Variants in KCNB2 observed in about 807,000 individuals in gnomAD.
The protein encoded by KCNB2 is delayed rectifier potassium channel protein.
Under a neutral mutation model 61.5 loss-of-function variants are expected in KCNB2, and 15 were observed. The observed-to-expected ratio is 0.24, with a 90% CI of 0.16 to 0.38. The LOEUF is 0.38. Among genes scored for constraint, KCNB2 ranks in the 10% least tolerant of loss-of-function variants. KCNB2 has a pLI of 1.00. For synonymous variants in KCNB2, 457 were observed against 446.0 expected (o/e 1.02, Z -0.31); for missense variants, 828 against 1,125.2 (o/e 0.74, Z 3.78).
intron 2 of KCNB2, among the ~76,000 whole-genome samples, chr8:72,724,027 G>A (rs1412044015): frequency 6.6e-6 from 1 of 152,152 alleles, no homozygotes; most frequent in Non-Finnish European, 1.5e-5. Flanking sequence ...TTGTGCCTGG[G>A]AAGTGGCACT....
At chr8:72,911,987 ATGTGG>A (rs979605100) in intron 2 of KCNB2, among the ~76,000 whole-genome samples, 37 of 152,178 alleles carry the variant, frequency 2.4e-4, no homozygotes, top group African/African-American at 8.4e-4. Context: ...CAACCTTAAA[ATGTGG>A]TTAAGAGTCT....
At chr8:72,934,735 C>T (rs1434627210) in intron 2 of KCNB2, among the ~76,000 whole-genome samples, 4 of 151,986 alleles carry the variant, frequency 2.6e-5, no homozygotes, top group Admixed American at 2.6e-4. Flanking sequence ...TGAAACCAAG[C>T]CAGACCTAAC....
intron 2 of KCNB2, among the ~76,000 whole-genome samples, chr8:72,797,076 G>A (rs748266459): frequency 3.3e-5 from 5 of 152,088 alleles, no homozygotes; most frequent in South Asian, 4.1e-4. Flanking sequence ...ACGATGGTAC[G>A]ATATGACATT....
intron 2 of KCNB2, among the ~76,000 whole-genome samples, chr8:72,639,543 A>G (rs1392186486): frequency 3.3e-5 from 5 of 152,064 alleles, no homozygotes; most frequent in African/African-American, 1.2e-4. Context: ...TCTCACCCAG[A>G]TACTCTGCTG....
chr8:72,595,309 C>CT (rs1229254993), intron 2 of KCNB2, among the ~76,000 whole-genome samples: 1 of 150,544 alleles, frequency 6.6e-6, no homozygotes, highest in African/African-American at 2.4e-5. Context: ...TTGCTAATTT[C>CT]TTTTTTTCTT....
At chr8:72,796,887 A>T (rs1809039811) in intron 2 of KCNB2, among the ~76,000 whole-genome samples, 2 of 152,146 alleles carry the variant, frequency 1.3e-5, no homozygotes, top group African/African-American at 2.4e-5. Context: ...TTTTAGTTCC[A>T]TTTTGCAGTG....
At chr8:72,641,970 A>G (rs1226644201) in intron 2 of KCNB2, among the ~76,000 whole-genome samples, 1 of 152,158 alleles carries the variant, frequency 6.6e-6, no homozygotes, top group Non-Finnish European at 1.5e-5. Context: ...TGAATTGTCA[A>G]CTACTTATTA....
chr8:72,578,122 A>C (rs1806826851), intron 2 of KCNB2, among the ~76,000 whole-genome samples: 1 of 152,174 alleles, frequency 6.6e-6, no homozygotes, highest in African/African-American at 2.4e-5. Flanking sequence ...AATCAATGAC[A>C]CTCTGAAGAA....
intron 2 of KCNB2, among the ~76,000 whole-genome samples, chr8:72,582,441 G>C (rs1172411431): frequency 2.6e-5 from 4 of 152,172 alleles, no homozygotes; most frequent in Non-Finnish European, 4.4e-5. Flanking sequence ...GCAAGAAAGA[G>C]GGGAGTCTGT....
chr8:72,696,269 G>A (rs1272399123), intron 2 of KCNB2, among the ~76,000 whole-genome samples: 3 of 152,276 alleles, frequency 2.0e-5, no homozygotes, highest in African/African-American at 7.2e-5. Flanking sequence ...TAATCTAGCT[G>A]GGAGATAAAG....
chr8:72,806,798 T>G (rs79011624), intron 2 of KCNB2, among the ~76,000 whole-genome samples: 13,235 of 152,158 alleles, frequency 0.087, 945 homozygotes, highest in East Asian at 0.4. Flanking sequence ...GAGCATATAT[T>G]TTAATGGGCA....
chr8:72,580,251 C>G (rs553449728), intron 2 of KCNB2, among the ~76,000 whole-genome samples: 38 of 152,152 alleles, frequency 2.5e-4, no homozygotes, highest in Non-Finnish European at 4.7e-4. Context: ...AGTTTGCCAA[C>G]CACTACTTTA....
At chr8:72,675,179 G>C (rs1806632429) in intron 2 of KCNB2, among the ~76,000 whole-genome samples, 1 of 151,802 alleles carries the variant, frequency 6.6e-6, no homozygotes, top group Admixed American at 6.6e-5. Context: ...AGGTATATTG[G>C]AAAAAAAACT....
chr8:72,587,049 C>T (rs931675661), intron 2 of KCNB2, among the ~76,000 whole-genome samples: 5 of 152,176 alleles, frequency 3.3e-5, no homozygotes, highest in African/African-American at 1.2e-4. Context: ...TGACTTTATA[C>T]TACAGTGTAT....
chr8:72,571,740 C>A (rs1044083782), intron 2 of KCNB2, among the ~76,000 whole-genome samples: 7 of 152,074 alleles, frequency 4.6e-5, no homozygotes, highest in African/African-American at 1.4e-4. Flanking sequence ...TGGAACAACT[C>A]CCTGGGTTAC....
At chr8:72,794,496 C>CA (rs1563387295) in intron 2 of KCNB2, among the ~76,000 whole-genome samples, 1 of 137,688 alleles carries the variant, frequency 7.3e-6, no homozygotes, top group East Asian at 2.1e-4. Flanking sequence ...ACCCGGGAGA[C>CA]AGAGGTTGTG....
At chr8:72,679,232 C>G (rs1181075749) in intron 2 of KCNB2, among the ~76,000 whole-genome samples, 1 of 152,138 alleles carries the variant, frequency 6.6e-6, no homozygotes, top group Non-Finnish European at 1.5e-5. Flanking sequence ...GTTAAATAAC[C>G]TAAAGCAGTA....
chr8:72,840,975 G>A (rs1809873653), intron 2 of KCNB2, among the ~76,000 whole-genome samples: 1 of 152,090 alleles, frequency 6.6e-6, no homozygotes, highest in African/African-American at 2.4e-5. Flanking sequence ...TGAAATCTTT[G>A]CCCATGCCTA....
chr8:72,782,788 T>C (rs1411242837), intron 2 of KCNB2, among the ~76,000 whole-genome samples: 1 of 152,210 alleles, frequency 6.6e-6, no homozygotes, highest in African/African-American at 2.4e-5. Context: ...GAAAAATTTC[T>C]GTTGACCTTG....
Sources: gnomAD v4.1 joint callset for allele counts (sites outside exome capture counted in the v4.1 genomes callset) on GRCh38, gnomAD v4.1.1 for gene constraint, MANE v1.5 for transcripts, NCBI Gene and HGNC (gene_info 2026-07-23, HGNC 2026-07-21) for gene names.